Variants in PLTP observed in about 807,000 individuals in gnomAD.
PLTP encodes phospholipid transfer protein.
Under a neutral mutation model 54.1 loss-of-function variants are expected in PLTP, and 43 were observed. That is an observed-to-expected ratio of 0.79 (90% CI 0.62 to 1.02). The LOEUF is 1.02. Ranked by LOEUF, PLTP falls within the 50% of genes least tolerant of loss-of-function variation. PLTP has a pLI of 0.00. For missense variants in PLTP, 604 were observed against 645.9 expected (o/e 0.94, Z 0.70); for synonymous variants, 263 against 264.6 (o/e 0.99, Z 0.06).
At chr20:45,909,916 CT>C (rs776390407) in intron 4 of PLTP, 25 bp downstream of exon 4, 1 of 1,613,770 alleles carries the variant, frequency 6.2e-7, no homozygotes, top group Admixed American at 1.7e-5. Flanking sequence ...CCACTCTCCA[CT>C]CCCCTGAGGG....
chr20:45,901,552 C>T (rs758012572), intron 12 of PLTP, among the ~76,000 whole-genome samples: 2 of 152,080 alleles, frequency 1.3e-5, no homozygotes, highest in Non-Finnish European at 2.9e-5. Flanking sequence ...TATGATTGCA[C>T]CACTGCACTC....
rs2083274123 is a variant in PLTP, at chr20:45,909,850, C to A, written c.329+92G>T. 6 of 1,538,410 alleles carry A rather than the reference C, an allele frequency of 3.9e-6. No individual in the cohort carries two copies. In the Admixed American group the frequency reaches 6.7e-5, roughly 17 times the overall value. On this transcript the variant is annotated intron_variant, in intron 4 of 15. Coordinates refer to ENST00000372431, the MANE Select transcript of PLTP (RefSeq NM_006227.4). ...TGTTACACAGATGAAGAAACGGAAA[C>A]TCAGGAAGGCTAAGGGGGCTGCCCA... is the stretch of plus-strand genomic sequence containing the variant.
chr20:45,902,833 C>T (rs2083200093), intron 10 of PLTP, among the ~76,000 whole-genome samples: 1 of 152,232 alleles, frequency 6.6e-6, no homozygotes, highest in Non-Finnish European at 1.5e-5. Flanking sequence ...CTAAATACAT[C>T]TCAATATTCA....
chr20:45,909,800 C>G (rs1186357612), intron 4 of PLTP, 129 bp from the exon 5 acceptor site: 1 of 1,409,656 alleles, frequency 7.1e-7, no homozygotes, highest in Non-Finnish European at 1.0e-6. Context: ...CCTATCAACT[C>G]GTATGAAATG....
At chr20:45,903,475 C>T (rs1178763881) in intron 10 of PLTP, among the ~76,000 whole-genome samples, 2 of 152,146 alleles carry the variant, frequency 1.3e-5, no homozygotes, top group Admixed American at 6.5e-5. Context: ...AGTGATCTGC[C>T]GGCTTCAGCC....
intron 4 of PLTP, 31 bp downstream of exon 4, chr20:45,909,911 C>T (rs368146895): frequency 5.6e-6 from 9 of 1,613,270 alleles, no homozygotes; most frequent in African/African-American, 1.3e-5. Context: ...CTGACCCACT[C>T]TCCACTCCCC....
chr20:45,911,033 C>A (rs963549538), intron 3 of PLTP, 119 bp downstream of exon 3: 22 of 1,603,452 alleles, frequency 1.4e-5, no homozygotes, highest in Admixed American at 6.8e-5. Flanking sequence ...CTTGCCTCAT[C>A]GATTTGGCCA....
Position 45,902,310 on chromosome 20 carries a change from C to T in PLTP, c.1132G>A (p.Ala378Thr), listed in dbSNP as rs1289177421. The T allele has an allele frequency of 2.5e-6, 4 of 1,614,168 alleles. No individual in the cohort carries two copies. Among genetic ancestry groups the T allele is most frequent in the Middle Eastern group, 1.6e-4 (1 of 6,062 alleles). The part of the protein sequence containing the change: ...TMDARLSAKM[A>T]LRGKALRTQL... ...GTGCGCAGGGCCTTCCCCCGGAGAG[C>T]CATCTTGGCGCTGAGACGGGCGTCC... Residue 378 changes from alanine (A) to threonine (T), a missense_variant, in exon 12 of 16, where the codon GCT (alanine) becomes ACT (threonine). Transcript: ENST00000372431.
rs767321166 is a variant in PLTP at position 45,902,555 on chromosome 20, G to A, written c.992C>T (p.Ala331Val). Residue 331 changes from alanine (A) to valine (V), a missense_variant, in exon 11 of 16, where the codon GCC becomes GTC. Coordinates refer to ENST00000372431, the MANE Select transcript of PLTP (RefSeq NM_006227.4). ...SPLKLELRVL[A>V]PPRCTIKPSG... Reference sequence around the variant, plus strand: ...GGGCTTGATGGTGCAGCGCGGTGGGGCCAGGACCCGCAGCTCCAGCTTCAA... The same window carrying A: ...GGGCTTGATGGTGCAGCGCGGTGGGACCAGGACCCGCAGCTCCAGCTTCAA... 1 of 1,613,928 alleles carries A rather than the reference G, an allele frequency of 6.2e-7. No individual in the cohort carries two copies. The highest frequency in any genetic ancestry group is 1.1e-5 in the South Asian group (1 of 91,064).
intron 7 of PLTP, among the ~76,000 whole-genome samples, chr20:45,907,418 G>T (rs965158995): frequency 6.6e-6 from 1 of 152,076 alleles, no homozygotes; most frequent in African/African-American, 2.4e-5. Flanking sequence ...AAGACAAATG[G>T]GATGCCAGTG....
chr20:45,907,677 C>A lies in PLTP; in HGVS notation c.613+15G>T, dbSNP rs745599405. 5.0e-6 allele frequency: 8 copies of A among 1,612,686 alleles called. No homozygotes were observed. The South Asian group carries it at 6.6e-5, about 13-fold the overall frequency. On this transcript the variant is annotated intron_variant, in intron 7 of 15. Transcript: ENST00000372431. ...ATGACAGCTGCACACCCAGACTCAC[C>A]CGCCACCAACTCACCAGGCACGGTG...
rs765158989 is a variant in PLTP, at chr20:45,909,719, T to A, written c.330-48A>T. ...CTCCAGGTAGGAGCTCAATTGAGTC[T>A]TCAGTGCCCCCATGCATCACCATAC... On this transcript the variant is annotated intron_variant, in intron 4 of 15. Transcript: ENST00000372431. The A allele has an allele frequency of 1.9e-6, 3 of 1,600,966 alleles. No individual in the cohort carries two copies. In the African/African-American group the frequency reaches 4.0e-5, roughly 21 times the overall value.
At chr20:45,910,616 G>GA (rs546481587) in intron 3 of PLTP, among the ~76,000 whole-genome samples, 276 of 102,354 alleles carry the variant, frequency 2.7e-3, no homozygotes, top group Admixed American at 3.4e-3. Context: ...CTCCCTCTCA[G>GA]AAAAAAAAAA....
intron 13 of PLTP, 24 bp downstream of exon 13, chr20:45,899,812 G>GGCGCCCCCCCCCCC: frequency 3.2e-6 from 1 of 309,346 alleles, no homozygotes. Context: ...ACCCAGCCCA[G>GGCGCCCCCCCCCCC]CCCACCCACC....
Position 45,905,130 on chromosome 20 carries a change from C to A in PLTP, c.706-12G>T. ...GGGAAGAAGGCCCCCTGGGGTGGGGCATTCACAGTCAGGGTCAAGGCAGAC... is the reference window on the plus strand; with the variant it reads ...GGGAAGAAGGCCCCCTGGGGTGGGGAATTCACAGTCAGGGTCAAGGCAGAC... On this transcript the variant is annotated splice_polypyrimidine_tract_variant and intron_variant, in intron 8 of 15. Transcript: ENST00000372431. 6.2e-7 allele frequency: 1 copy of A among 1,613,134 alleles called. No homozygotes were observed.
intron 10 of PLTP, among the ~76,000 whole-genome samples, chr20:45,904,467 A>T (rs8119032): frequency 0.37 from 56,310 of 151,574 alleles, 11,144 homozygotes; most frequent in Middle Eastern, 0.47. Flanking sequence ...TTGTCTCAAA[A>T]AAAAAAATAA....
In PLTP at chr20:45,909,522, G is replaced by T; in HGVS notation, c.479C>A (p.Thr160Asn). 7 of 1,614,144 alleles carry T rather than the reference G, an allele frequency of 4.3e-6. No individual in the cohort carries two copies. Among genetic ancestry groups the T allele is most frequent in the Non-Finnish European group, 5.9e-6 (7 of 1,180,028 alleles). ...VSRMHAAFGG[T>N]FKKVYDFLST... is the part of the protein sequence containing the mutation. ...GGTTGGGGCTGGGGCTTACTTGAAGGTTCCCCCGAAGGCCGCGTGCATTCT... is the reference window on the plus strand; with the variant it reads ...GGTTGGGGCTGGGGCTTACTTGAAGTTTCCCCCGAAGGCCGCGTGCATTCT... Residue 160 changes from threonine to asparagine, a missense_variant, in exon 5 of 16, where the codon ACC becomes AAC. Transcript: ENST00000372431.
chr20:45,911,175 G>A lies in PLTP; in HGVS notation c.177C>T (p.Gly59=), dbSNP rs780724803. The A allele has an allele frequency of 1.1e-5, 18 of 1,613,858 alleles. No homozygotes were observed. The highest frequency in any genetic ancestry group is 1.1e-4 in the East Asian group (5 of 44,894). Residue 59 remains glycine, a synonymous_variant, in exon 3 of 16, where the codon GGC becomes GGT. Coordinates refer to ENST00000372431, the MANE Select transcript of PLTP (RefSeq NM_006227.4). ...ACTCAGAGATGTTGTAGTAGAAGTG[G>A]CCTTCTTTGCCCCGCAGGTCCGGAA... ...ITIPDLRGKE[G]HFYYNISEVK... is the part of the protein sequence containing the mutation.
chr20:45,898,960 G>A lies in PLTP; in HGVS notation c.1463C>T (p.Pro488Leu). 9.9e-6 allele frequency: 16 copies of A among 1,614,134 alleles called. No homozygotes were observed. The highest frequency in any genetic ancestry group is 1.2e-5 in the Non-Finnish European group (14 of 1,180,006). ...GAGGGCTCAGACAGCTGCTGTGGAC[G>A]GTGTGGGGGCAGTGGACGCCCTGAC... The part of the protein sequence containing the change: ...ADVRASTAPT[P>L]STAAV Residue 488 changes from proline (P) to leucine (L), a missense_variant, in exon 16 of 16, where the codon CCG becomes CTG. By Grantham distance (98) the Pro-to-Leu change is moderately conservative. Transcript: ENST00000372431. This position sits in a 1 kb window ranked among gnomAD's most constrained non-coding sequence, Gnocchi z 4.6.
Sources: gnomAD v4.1 joint callset for allele counts (sites outside exome capture counted in the v4.1 genomes callset) on GRCh38, gnomAD v4.1.1 for gene constraint, Gnocchi (gnomAD v3.1) non-coding constraint, MANE v1.5 for transcripts, NCBI Gene and HGNC (gene_info 2026-07-23, HGNC 2026-07-21) for gene names.